Variants in CDH23 observed in about 807,000 individuals in gnomAD.
The protein encoded by CDH23 is cadherin related 23, also known as cadherin-23.
In CDH23, 189 loss-of-function variants were observed where a neutral mutation model predicts 317.1. That is an observed-to-expected ratio of 0.60 (90% confidence interval 0.53 to 0.67). The LOEUF (loss-of-function observed/expected upper bound fraction) is 0.67. Among genes scored for constraint, CDH23 ranks in the 30% least tolerant of loss-of-function variants. The pLI is 0.00. For synonymous variants in CDH23, 1,839 were observed against 1,876.8 expected (o/e 0.98, Z 0.52); for missense variants, 4,401 against 4,592.4 (o/e 0.96, Z 1.20).
Position 71,617,194 on chromosome 10 carries a change from T to A in CDH23, c.946-11T>A, listed in dbSNP as rs751720161. 1 of 1,606,614 alleles carries A rather than the reference T, an allele frequency of 6.2e-7. No individual in the cohort carries two copies. Among genetic ancestry groups the A allele is most frequent in the African/African-American group, 1.3e-5 (1 of 74,820 alleles). ...TGCCTTCACTCCGGGGTGACTGATC[T>A]CTGTCCATAGGGCACGGAGCTGAAC... On this transcript the variant is annotated splice_polypyrimidine_tract_variant and intron_variant, in intron 10 of 69. Transcript: ENST00000224721.
chr10:71,449,914 G>T (rs1309125128), intron 3 of CDH23, among the ~76,000 whole-genome samples: 1 of 152,236 alleles, frequency 6.6e-6, no homozygotes, highest in Non-Finnish European at 1.5e-5. Context: ...AGTTCCCTCT[G>T]TGTAATGTTC....
At chr10:71,546,347 T>G (rs1474018680) in intron 6 of CDH23, among the ~76,000 whole-genome samples, 2 of 152,218 alleles carry the variant, frequency 1.3e-5, no homozygotes, top group African/African-American at 4.8e-5. Flanking sequence ...GTGGCTCCTC[T>G]ATACCAGGCA....
chr10:71,496,629 G>A (rs1000942840), intron 3 of CDH23, among the ~76,000 whole-genome samples: 2 of 152,264 alleles, frequency 1.3e-5, no homozygotes, highest in Non-Finnish European at 2.9e-5. Context: ...GTGCTGACAA[G>A]TGTGGGAACT....
At chr10:71,402,842 C>T (rs949937347) in intron 1 of CDH23, among the ~76,000 whole-genome samples, 1 of 151,972 alleles carries the variant, frequency 6.6e-6, no homozygotes, top group Non-Finnish European at 1.5e-5. Flanking sequence ...GCTGGCCAGG[C>T]GTGGTGGCTC....
chr10:71,741,546 C>A lies in CDH23; in HGVS notation c.4618-148C>A, dbSNP rs961575843. The A allele has an allele frequency of 3.2e-5, 21 of 666,088 alleles. No individual in the cohort carries two copies. In the Admixed American group the frequency reaches 4.3e-4, roughly 14 times the overall value. 41.3% of individuals were successfully genotyped at this position (666,088 alleles called of 1,614,324 possible). A position where few individuals can be genotyped will look rare whatever the true frequency, so the allele number is the denominator to read the frequency against. On this transcript the variant is annotated intron_variant, in intron 37 of 69. Coordinates refer to ENST00000224721, the MANE Select transcript of CDH23 (RefSeq NM_022124.6). ...GTGCTCACAGAATGTTCGCTGCTAT[C>A]ATCCTTATTATCTCCATCATTGCTC...
intron 11 of CDH23, among the ~76,000 whole-genome samples, chr10:71,626,063 G>A (rs982532144): frequency 1.3e-5 from 2 of 152,216 alleles, no homozygotes; most frequent in South Asian, 2.1e-4. Flanking sequence ...GAGACTGACT[G>A]CTAAGTCTCC....
At chr10:71,537,074 A>G (rs532471798) in intron 6 of CDH23, among the ~76,000 whole-genome samples, 50 of 152,156 alleles carry the variant, frequency 3.3e-4, no homozygotes, top group African/African-American at 1.1e-3. Context: ...CTGACCCTCC[A>G]ACTGCTCCCC....
At chr10:71,784,514 A>G (rs917592536) in intron 42 of CDH23, 94 bp downstream of exon 42, 15 of 1,504,920 alleles carry the variant, frequency 1.0e-5, no homozygotes, top group Non-Finnish European at 1.3e-5. Flanking sequence ...GTGCCAAGAG[A>G]GGCCACAGGC....
At chr10:71,696,091 G>T (rs1865379402) in intron 22 of CDH23, among the ~76,000 whole-genome samples, 1 of 152,226 alleles carries the variant, frequency 6.6e-6, no homozygotes, top group African/African-American at 2.4e-5. Context: ...ACAATTCAGG[G>T]TGCAGAGGGG....
At chr10:71,518,007 G>A (rs1281802848) in intron 6 of CDH23, among the ~76,000 whole-genome samples, 1 of 152,216 alleles carries the variant, frequency 6.6e-6, no homozygotes, top group Non-Finnish European at 1.5e-5. Flanking sequence ...TAGTGGTGAA[G>A]CGACATATGC....
At position 71,682,421 on chromosome 10, in the gene CDH23, T is replaced by A. The variant is rs1386325663; in HGVS notation, c.1859-24T>A. On this transcript the variant is annotated intron_variant, in intron 17 of 69. Transcript: ENST00000224721. ...CATCTCAAGTCTGCTTACAGAGGGATCTGGCCTGTTCCTGTCATTGCAGTG... is the reference window on the plus strand; with the variant it reads ...CATCTCAAGTCTGCTTACAGAGGGAACTGGCCTGTTCCTGTCATTGCAGTG... The A allele has an allele frequency of 3.1e-6, 5 of 1,609,666 alleles. No homozygotes were observed. In the African/African-American group the frequency reaches 6.7e-5, roughly 21 times the overall value.
rs758048846 is a variant in CDH23, at chr10:71,732,314, A to G, written c.4043A>G (p.Tyr1348Cys). The part of the protein sequence containing the change: ...YSIDNLNQIT[Y>C]RFNAYTSTQA... The stretch of plus-strand genomic sequence containing the variant: ...ATCGACAACCTCAACCAAATCACGT[A>G]CCGCTTCAACGCCTACACCAGCACC... The change falls in exon 32 of 70, where the codon TAC (tyrosine) becomes TGC (cysteine). Residue 1348 changes from tyrosine (Y) to cysteine (C), a missense_variant. Tyr to Cys is a radical substitution (Grantham distance 194). Coordinates refer to ENST00000224721, the MANE Select transcript of CDH23 (RefSeq NM_022124.6). The G allele has an allele frequency of 1.9e-6, 3 of 1,605,308 alleles. No homozygotes were observed. The highest frequency in any genetic ancestry group is 2.6e-6 in the Non-Finnish European group (3 of 1,175,656).
Position 71,803,404 on chromosome 10 carries a change from T to C in CDH23, c.7856T>C (p.Ile2619Thr). The part of the protein sequence containing the change: ...PVFVRPPNGT[I>T]LHIREEIPLR... Reference sequence around the variant, plus strand: ...TTTGTGCGCCCACCCAACGGCACCATCCTCCACATCAGAGAGGTACTCCTG... The same window carrying C: ...TTTGTGCGCCCACCCAACGGCACCACCCTCCACATCAGAGAGGTACTCCTG... Residue 2619 changes from isoleucine to threonine, a missense_variant, in exon 55 of 70, where the codon ATC becomes ACC. Ile to Thr is a moderately conservative substitution (Grantham distance 89, BLOSUM62 -1). Around this residue, in one of 3 missense-constraint regions of CDH23, gnomAD observed 1,144 missense variants for 1,138.2 expected, o/e 1.01. Coordinates refer to ENST00000224721, the MANE Select transcript of CDH23 (RefSeq NM_022124.6). 2 of 1,594,364 alleles carry C rather than the reference T, an allele frequency of 1.3e-6. No individual in the cohort carries two copies. Among genetic ancestry groups the C allele is most frequent in the Admixed American group, 1.7e-5 (1 of 57,934 alleles).
rs531031085 is a variant in CDH23 at position 71,491,018 on chromosome 10, T to A, written c.146-19064T>A. On this transcript the variant is annotated intron_variant, in intron 3 of 69. Transcript: ENST00000224721. ...GAGCGAGACTCCATCGCAAAAAAAA[T>A]AAAATAAAATAAAAAGAGGGGCTGT... Among the ~76,000 whole-genome samples the A allele has an allele frequency of 1.3e-4, 20 of 151,716 alleles. No homozygotes were observed. In the East Asian group the frequency reaches 2.5e-3, roughly 19 times the overall value.
chr10:71,433,988 C>T (rs1193444370), intron 1 of CDH23, among the ~76,000 whole-genome samples: 3 of 151,998 alleles, frequency 2.0e-5, no homozygotes, highest in African/African-American at 7.2e-5. Flanking sequence ...CAATCAGTGG[C>T]CTACAAAGTG....
chr10:71,564,044 A>G (rs888277380), intron 6 of CDH23, among the ~76,000 whole-genome samples: 2 of 152,232 alleles, frequency 1.3e-5, no homozygotes, highest in African/African-American at 4.8e-5. Context: ...GTTTAACAGC[A>G]TATGTCTGCA....
intron 47 of CDH23, among the ~76,000 whole-genome samples, chr10:71,792,409 T>G (rs1339988086): frequency 6.6e-6 from 1 of 152,192 alleles, no homozygotes; most frequent in Non-Finnish European, 1.5e-5. Flanking sequence ...GTAAGAAGGT[T>G]CTAAGCATAA....
chr10:71,716,149 C>T (rs1048415826), intron 28 of CDH23: 2 of 1,550,272 alleles, frequency 1.3e-6, no homozygotes, highest in Non-Finnish European at 1.7e-6. Context: ...TCGGGTCCAG[C>T]GCGGCCGGCT....
chr10:71,483,646 C>T (rs140287072), intron 3 of CDH23, among the ~76,000 whole-genome samples: 78 of 152,336 alleles, frequency 5.1e-4, no homozygotes, highest in African/African-American at 1.4e-3. Context: ...GGGCCTTCGC[C>T]GTCCTAAGGG....
Sources: allele counts gnomAD v4.1 joint callset (sites outside exome capture counted in the v4.1 genomes callset), GRCh38; gene constraint gnomAD v4.1.1; regional missense constraint gnomAD v4.1.1; transcripts MANE v1.5; gene names NCBI Gene and HGNC (gene_info 2026-07-23, HGNC 2026-07-21).